ERLEC1: variants seen among roughly 807,000 people sequenced by gnomAD.
ERLEC1 encodes ER lectin.
In ERLEC1, 47 loss-of-function variants were observed where a neutral mutation model predicts 68.0. The ratio of observed to expected loss-of-function variants is 0.69; its 90% CI spans 0.55 to 0.88. The LOEUF is 0.88. Among genes scored for constraint, ERLEC1 ranks in the 40% least tolerant of loss-of-function variants. The pLI is 0.00. For missense variants in ERLEC1, 567 were observed against 583.8 expected (o/e 0.97, Z 0.30); for synonymous variants, 225 against 203.2 (o/e 1.11, Z -0.91).
At chr2:53,800,589 G>A (rs1675952041) in intron 6 of ERLEC1, among the ~76,000 whole-genome samples, 1 of 152,016 alleles carries the variant, frequency 6.6e-6, no homozygotes, top group East Asian at 1.9e-4. Context: ...TGCTGATAGG[G>A]TACTAAAGTG....
intron 5 of ERLEC1, 61 bp from the exon 6 acceptor site, chr2:53,798,986 T>G (rs1675864548): frequency 6.8e-7 from 1 of 1,463,686 alleles, no homozygotes; most frequent in South Asian, 1.2e-5. Context: ...GGTTGAAAAC[T>G]TACTCATTTG....
intron 1 of ERLEC1, among the ~76,000 whole-genome samples, 185 bp from the exon 2 acceptor site, chr2:53,794,160 C>A (rs1675559815): frequency 1.3e-5 from 2 of 152,150 alleles, no homozygotes; most frequent in African/African-American, 4.8e-5. Context: ...AACAAACCTG[C>A]ACATGTACCC....
At chr2:53,812,764 A>G (rs1315197788) in intron 10 of ERLEC1, among the ~76,000 whole-genome samples, 185 bp from the exon 11 acceptor site, 2 of 152,222 alleles carry the variant, frequency 1.3e-5, no homozygotes, top group African/African-American at 4.8e-5. Context: ...ATTCAGAGAA[A>G]CAAGGAATAA....
chr2:53,787,368 C>G lies in ERLEC1; in HGVS notation c.158C>G (p.Ser53Cys), dbSNP rs372793033. Reference protein sequence around the residue: ...FRVNWPGTEFSLPTTGVLYKE... With the variant: ...FRVNWPGTEFCLPTTGVLYKE... Reference sequence around the variant, plus strand: ...GTCAACTGGCCCGGCACCGAGTTCTCTCTGGTCAGTGCCCTCACTAACCCC... The same window carrying G: ...GTCAACTGGCCCGGCACCGAGTTCTGTCTGGTCAGTGCCCTCACTAACCCC... Residue 53 changes from serine (S) to cysteine (C), a missense_variant, in exon 1 of 14, where the codon TCT becomes TGT. Ser to Cys is a moderately radical substitution (Grantham distance 112, BLOSUM62 -1). Coordinates refer to ENST00000185150, the MANE Select transcript of ERLEC1 (RefSeq NM_015701.5). 7 of 1,610,524 alleles carry G rather than the reference C, an allele frequency of 4.3e-6. No homozygotes were observed. In the South Asian group the frequency reaches 7.7e-5, roughly 18 times the overall value.
intron 3 of ERLEC1, among the ~76,000 whole-genome samples, 197 bp from the exon 4 acceptor site, chr2:53,797,318 G>A (rs760622230): frequency 2.6e-5 from 4 of 152,164 alleles, no homozygotes; most frequent in South Asian, 2.1e-4. Flanking sequence ...TTCCTTCACA[G>A]AATTCTCACA....
intron 8 of ERLEC1, among the ~76,000 whole-genome samples, chr2:53,803,499 C>T (rs1473426232): frequency 6.6e-6 from 1 of 151,566 alleles, no homozygotes; most frequent in East Asian, 1.9e-4. Flanking sequence ...CATGGTGGCT[C>T]ATGCCTATAA....
rs367644340 is a variant in ERLEC1, at chr2:53,799,232, T to C, written c.525+151T>C. ...ACTGGGTCAAAGAATCTTTGCAGTA[T>C]ATTCCTTTTTTCCGAGAAAAGTTAC... On this transcript the variant is annotated intron_variant, in intron 6 of 13. Coordinates refer to ENST00000185150, the MANE Select transcript of ERLEC1 (RefSeq NM_015701.5). The C allele has an allele frequency of 6.2e-4, 406 of 649,994 alleles. 2 individuals carry two copies. The East Asian group carries it at 8.7e-3, about 14-fold the overall frequency. The allele number at this position is 649,994 out of a possible 1,614,324, so 40.3% of individuals were successfully genotyped here.
chr2:53,788,341 T>C (rs781530107), intron 1 of ERLEC1, among the ~76,000 whole-genome samples: 56 of 152,214 alleles, frequency 3.7e-4, no homozygotes, highest in Non-Finnish European at 5.6e-4. Flanking sequence ...TATTACCACA[T>C]AGCTTTCTAT....
At chr2:53,809,170 G>T in intron 9 of ERLEC1, 44 bp from the exon 10 acceptor site, 1 of 1,396,470 alleles carries the variant, frequency 7.2e-7, no homozygotes, top group East Asian at 2.4e-5. Context: ...TATTGAGAAA[G>T]GCCCAGTTCT....
chr2:53,795,564 A>C (rs1452881690), intron 2 of ERLEC1, among the ~76,000 whole-genome samples: 3 of 152,240 alleles, frequency 2.0e-5, no homozygotes, highest in Admixed American at 2.0e-4. Context: ...AAGGGCTTTC[A>C]TAGCTAAGAA....
In ERLEC1 at chr2:53,787,086, G is replaced by T. The variant is rs985391539; in HGVS notation, c.-125G>T. On this transcript the variant is annotated 5_prime_UTR_variant, in exon 1 of 14. Transcript: ENST00000185150. ...GCTCTCCGGAAGGAGACGTGGCGGC[G>T]GTTGGGCCGGTGATACCCGGGCGCT... 2.3e-6 allele frequency: 3 copies of T among 1,298,090 alleles called. No homozygotes were observed. The South Asian group carries it at 5.1e-5, about 22-fold the overall frequency. The allele number at this position is 1,298,090 out of a possible 1,614,324, so 80.4% of individuals were successfully genotyped here.
intron 9 of ERLEC1, 55 bp downstream of exon 9, chr2:53,808,515 A>G: frequency 4.5e-6 from 7 of 1,563,808 alleles, no homozygotes; most frequent in South Asian, 1.1e-5. Context: ...CCTGCCAGGT[A>G]TGGTCAGTGG....
intron 13 of ERLEC1, 118 bp downstream of exon 13, chr2:53,815,053 CAG>C (rs2104342730): frequency 3.3e-6 from 2 of 599,866 alleles, no homozygotes; most frequent in East Asian, 6.4e-5. Context: ...GTGGCTCAGG[CAG>C]AGTGCCGTGG....
chr2:53,812,240 G>C (rs1281014859), intron 10 of ERLEC1, among the ~76,000 whole-genome samples: 1 of 152,052 alleles, frequency 6.6e-6, no homozygotes, highest in Admixed American at 6.6e-5. Context: ...CTACTAACCA[G>C]ATATCTATTA....
At position 53,801,458 on chromosome 2, in the gene ERLEC1, G is replaced by C; in HGVS notation, c.587G>C (p.Gly196Ala). The C allele has an allele frequency of 1.2e-6, 2 of 1,613,912 alleles. No homozygotes were observed. The highest frequency in any genetic ancestry group is 1.7e-6 in the Non-Finnish European group (2 of 1,179,940). Residue 196 changes from glycine (G) to alanine (A), a missense_variant, in exon 7 of 14, where the codon GGT (glycine) becomes GCT (alanine). Physicochemically the swap from Gly to Ala is moderately conservative, Grantham distance 60. Transcript: ENST00000185150. ...TPYYPVGMGN[G>A]TPCSLKQNRP... ...TACTATCCTGTGGGAATGGGAAATG[G>C]TACACCTTGTAGTTTGAAACAGAAC...
intron 10 of ERLEC1, among the ~76,000 whole-genome samples, chr2:53,812,295 A>C (rs1042893844): frequency 6.6e-6 from 1 of 152,164 alleles, no homozygotes; most frequent in Non-Finnish European, 1.5e-5. Flanking sequence ...GAAAGAAACC[A>C]AAGGAATGCA....
chr2:53,790,060 A>G (rs1458631295), intron 1 of ERLEC1, among the ~76,000 whole-genome samples: 1 of 150,856 alleles, frequency 6.6e-6, no homozygotes, highest in Non-Finnish European at 1.5e-5. Flanking sequence ...TACTCTCCTC[A>G]CCTGGCGCTG....
chr2:53,790,695 A>G (rs183930600), intron 1 of ERLEC1, among the ~76,000 whole-genome samples: 26 of 152,184 alleles, frequency 1.7e-4, no homozygotes, highest in African/African-American at 6.0e-4. Flanking sequence ...GCTGGTTTCA[A>G]ACTCCTGGTC....
intron 1 of ERLEC1, among the ~76,000 whole-genome samples, chr2:53,793,154 C>G (rs1321927171): frequency 6.6e-6 from 1 of 152,136 alleles, no homozygotes; most frequent in African/African-American, 2.4e-5. Context: ...TATCTTAGAA[C>G]ATGTGTCATA....
Sources: allele counts gnomAD v4.1 joint callset (sites outside exome capture counted in the v4.1 genomes callset), GRCh38; gene constraint gnomAD v4.1.1; transcripts MANE v1.5; gene names NCBI Gene and HGNC (gene_info 2026-07-23, HGNC 2026-07-21).